MCTP2: variants seen among roughly 807,000 people sequenced by gnomAD.
MCTP2 encodes multiple C2 and transmembrane domain containing 2.
A neutral mutation model predicts 111.6 loss-of-function variants in MCTP2; 132 were observed. The observed-to-expected ratio is 1.18, with a 90% CI of 1.03 to 1.37. MCTP2 has a LOEUF of 1.37. MCTP2 is among the 40% of genes most tolerant of loss of function. The pLI is 0.00. For missense variants in MCTP2, 1,183 were observed against 1,067.9 expected, an observed-to-expected ratio of 1.11 and a Z score of -1.50; for synonymous variants, 395 against 387.7, an observed-to-expected ratio of 1.02 and a Z score of -0.22.
At chr15:94,341,035 T>C in intron 7 of MCTP2, 111 bp downstream of exon 7, 2 of 713,182 alleles carry the variant, frequency 2.8e-6, no homozygotes, top group Admixed American at 4.2e-5. Context: ...GCAATTATTT[T>C]AGGGGGGGTG....
At chr15:94,391,544 A>G (rs2080976908) in intron 14 of MCTP2, among the ~76,000 whole-genome samples, 1 of 152,212 alleles carries the variant, frequency 6.6e-6, no homozygotes, top group African/African-American at 2.4e-5. Flanking sequence ...AGAGGGATGT[A>G]TCACCTGGGA....
rs71135503 is a variant in MCTP2 at position 94,320,141 on chromosome 15, C to CT, written c.637+4523dup. On this transcript the variant is annotated intron_variant, in intron 4 of 22. Transcript: ENST00000357742. ...TTAGGAGGGAGAATAGTTTATTAAT[C>CT]TTTTTTTTTTTTTTTTTTTGAGATG... Among the ~76,000 whole-genome samples the CT allele has an allele frequency of 6.8e-4, 80 of 117,970 alleles. 1 individual carries two copies. Among genetic ancestry groups the CT allele is most frequent in the Admixed American group, 1.3e-3 (15 of 11,840 alleles). 77.4% of individuals were successfully genotyped at this position (117,970 alleles called of 152,430 possible). A position where few individuals can be genotyped will look rare whatever the true frequency, so the allele number is the denominator to read the frequency against.
chr15:94,447,464 G>C (rs1025449922), intron 19 of MCTP2, among the ~76,000 whole-genome samples: 1 of 152,060 alleles, frequency 6.6e-6, no homozygotes, highest in Non-Finnish European at 1.5e-5. Flanking sequence ...GTGCCATTTC[G>C]GCTCAGTGCA....
intron 21 of MCTP2, among the ~76,000 whole-genome samples, chr15:94,475,315 G>A (rs887559407): frequency 1.3e-5 from 2 of 152,106 alleles, no homozygotes; most frequent in Admixed American, 6.5e-5. Flanking sequence ...CAGCCCAACC[G>A]CCAAGCCACC....
chr15:94,280,091 G>A (rs1057509054), intron 1 of MCTP2, among the ~76,000 whole-genome samples: 2 of 152,054 alleles, frequency 1.3e-5, no homozygotes, highest in African/African-American at 4.8e-5. Context: ...ATATCAGAAT[G>A]ATGCTAGCCT....
Position 94,407,775 on chromosome 15 carries a change from GCACACACACA to G in MCTP2, c.2085+5789_2085+5798del, listed in dbSNP as rs57851445. Among the ~76,000 whole-genome samples the G allele has an allele frequency of 5.4e-3, 794 of 147,788 alleles. 6 individuals carry two copies. The highest frequency in any genetic ancestry group is 0.011 in the South Asian group (48 of 4,548). On this transcript the variant is annotated intron_variant, in intron 17 of 22. Transcript: ENST00000357742. ...ACCCTTCCAACACACATGTACTTGT[GCACACACACA>G]CACACACACACACACACACACACAC...
rs2084957955 is a variant in MCTP2, at chr15:94,458,240, T to G, written c.2354T>G (p.Ile785Ser). ...LEEIASFGERIKNTFNWTVPF... is the reference protein window; with the variant it reads ...LEEIASFGERSKNTFNWTVPF... Reference sequence around the variant, plus strand: ...GAAATAGCTTCTTTTGGAGAAAGGATTAAGAAGTAAGTTCTAAATTTGTGT... The same window carrying G: ...GAAATAGCTTCTTTTGGAGAAAGGAGTAAGAAGTAAGTTCTAAATTTGTGT... Residue 785 changes from isoleucine (I) to serine (S), a missense_variant, in exon 20 of 23, where the codon ATT becomes AGT. Ile to Ser is a moderately radical substitution (Grantham distance 142, BLOSUM62 -2). Transcript: ENST00000357742. 1 of 1,590,078 alleles carries G rather than the reference T, an allele frequency of 6.3e-7. No homozygotes were observed. Among genetic ancestry groups the G allele is most frequent in the Non-Finnish European group, 8.6e-7 (1 of 1,158,148 alleles).
chr15:94,440,374 C>A, intron 18 of MCTP2, 76 bp downstream of exon 18: 1 of 1,578,312 alleles, frequency 6.3e-7, no homozygotes. Flanking sequence ...ACCACCAAAT[C>A]ATGGCCCAAG....
intron 1 of MCTP2, among the ~76,000 whole-genome samples, chr15:94,238,602 A>G (rs972005541): frequency 3.3e-5 from 5 of 152,214 alleles, no homozygotes; most frequent in Admixed American, 2.0e-4. Flanking sequence ...AATAAAACAA[A>G]TAGATCCTCA....
At chr15:94,242,571 A>G (rs1402254967) in intron 1 of MCTP2, among the ~76,000 whole-genome samples, 2 of 152,048 alleles carry the variant, frequency 1.3e-5, no homozygotes, top group Admixed American at 1.3e-4. Flanking sequence ...ACTAAATTAC[A>G]GTATTAAAAG....
At chr15:94,339,197 C>G in intron 4 of MCTP2, 93 bp from the exon 5 acceptor site, 1 of 901,436 alleles carries the variant, frequency 1.1e-6, no homozygotes, top group Non-Finnish European at 1.6e-6. Flanking sequence ...GAGACATTAG[C>G]CTGGGGAGTG....
intron 19 of MCTP2, 95 bp from the exon 20 acceptor site, chr15:94,458,042 A>T: frequency 1.4e-6 from 1 of 708,828 alleles, no homozygotes; most frequent in Non-Finnish European, 2.5e-6. Flanking sequence ...CTCTATTGGT[A>T]AAAACCTTGT....
chr15:94,250,598 A>G (rs1422882524), intron 1 of MCTP2, among the ~76,000 whole-genome samples: 2 of 152,224 alleles, frequency 1.3e-5, no homozygotes, highest in Non-Finnish European at 2.9e-5. Flanking sequence ...TACTACAGGG[A>G]CTGAGAGTTA....
chr15:94,321,766 A>C (rs901767232), intron 4 of MCTP2, among the ~76,000 whole-genome samples: 13 of 152,238 alleles, frequency 8.5e-5, no homozygotes, highest in African/African-American at 3.1e-4. Context: ...TGAATTCCCC[A>C]AAACACAACT....
chr15:94,365,912 A>G, intron 10 of MCTP2, among the ~76,000 whole-genome samples: 1 of 152,196 alleles, frequency 6.6e-6, no homozygotes, highest in Non-Finnish European at 1.5e-5. Flanking sequence ...TGGATTATTT[A>G]CCTTTCCATA....
intron 14 of MCTP2, among the ~76,000 whole-genome samples, chr15:94,390,086 A>G (rs55728757): frequency 0.023 from 190 of 8,184 alleles, 2 homozygotes; most frequent in East Asian, 0.067. Flanking sequence ...ATATATATAT[A>G]TATGTATATA....
At chr15:94,430,888 A>G (rs1323840110) in intron 17 of MCTP2, among the ~76,000 whole-genome samples, 1 of 152,184 alleles carries the variant, frequency 6.6e-6, no homozygotes, top group Non-Finnish European at 1.5e-5. Flanking sequence ...GTCTTTGCTC[A>G]CTTACTGCCC....
intron 17 of MCTP2, among the ~76,000 whole-genome samples, chr15:94,439,194 A>C (rs1176512832): frequency 1.3e-5 from 2 of 152,348 alleles, no homozygotes; most frequent in East Asian, 1.9e-4. Flanking sequence ...AATATATGAT[A>C]ATCACAAAGA....
At chr15:94,356,914 T>G (rs1199822936) in intron 9 of MCTP2, among the ~76,000 whole-genome samples, 2 of 152,214 alleles carry the variant, frequency 1.3e-5, no homozygotes, top group African/African-American at 4.8e-5. Context: ...GTGGATTTTA[T>G]TTCAAAAACT....
Sources: allele counts gnomAD v4.1 joint callset (sites outside exome capture counted in the v4.1 genomes callset), GRCh38; gene constraint gnomAD v4.1.1; transcripts MANE v1.5; gene names NCBI Gene and HGNC (gene_info 2026-07-23, HGNC 2026-07-21).